The following PPP4R4 variants were observed in gnomAD, a reference collection of about 807,000 sequenced individuals.
The protein encoded by PPP4R4 is serine/threonine-protein phosphatase 4 regulatory subunit 4.
PPP4R4 carries 70 observed loss-of-function variants against 121.8 expected under a neutral mutation model. The ratio of observed to expected loss-of-function variants is 0.57; its 90% CI spans 0.47 to 0.70. The LOEUF (loss-of-function observed/expected upper bound fraction) is 0.70, where lower values mean the gene tolerates loss of function less well. Ranked by LOEUF, PPP4R4 falls within the 30% of genes least tolerant of loss-of-function variation. The probability of loss-of-function intolerance (pLI) is 0.00; values close to 1 mark genes in which losing one functional copy is unlikely to be tolerated. For missense variants in PPP4R4, 875 were observed against 1,033.6 expected, an observed-to-expected ratio of 0.85 and a Z score of 2.10; for synonymous variants, 348 against 355.7, an observed-to-expected ratio of 0.98 and a Z score of 0.24.
At chr14:94,227,604 C>G in intron 3 of PPP4R4, 2 of 1,265,698 alleles carry the variant, frequency 1.6e-6, no homozygotes, top group Non-Finnish European at 2.0e-6. Flanking sequence ...CTGCGGGAGT[C>G]AAGACTAAGT....
At chr14:94,175,657 A>G in intron 1 of PPP4R4, 1 of 185,730 alleles carries the variant, frequency 5.4e-6, no homozygotes, top group South Asian at 1.3e-4. Context: ...GTCTTCATCC[A>G]TCTCCCTTTT....
intron 23 of PPP4R4, among the ~76,000 whole-genome samples, chr14:94,271,393 A>G (rs1216863830): frequency 6.6e-6 from 1 of 152,228 alleles, no homozygotes; most frequent in African/African-American, 2.4e-5. Flanking sequence ...CATCACACTA[A>G]CAGGCCAAGG....
At position 94,278,746 on chromosome 14, in the gene PPP4R4, G is replaced by GC; in HGVS notation, c.*103_*104insC. On this transcript the variant is annotated 3_prime_UTR_variant, in exon 25 of 25. Transcript: ENST00000304338. ...CTGGGGCTTTGTTTTTAAATTTTGG[G>GC]TTTTTTTTTTTGTTGTTGTTAATGA... The GC allele has an allele frequency of 1.0e-6, 1 of 974,036 alleles. No homozygotes were observed. The highest frequency in any genetic ancestry group is 3.3e-5 in the East Asian group (1 of 30,550). 60.3% of individuals were successfully genotyped at this position (974,036 alleles called of 1,614,324 possible). A position where few individuals can be genotyped will look rare whatever the true frequency, so the allele number is the denominator to read the frequency against.
chr14:94,198,088 A>G (rs1199557630), intron 2 of PPP4R4, among the ~76,000 whole-genome samples: 1 of 152,168 alleles, frequency 6.6e-6, no homozygotes, highest in Admixed American at 6.5e-5. Flanking sequence ...TGGTAGGTGT[A>G]TGTGTATCCT....
chr14:94,187,925 A>G (rs1889375646), intron 2 of PPP4R4, among the ~76,000 whole-genome samples: 1 of 152,150 alleles, frequency 6.6e-6, no homozygotes, highest in Non-Finnish European at 1.5e-5. Flanking sequence ...ATCACCGTGG[A>G]TTTATCATCA....
At chr14:94,252,715 AAG>A (rs1239530152) in intron 16 of PPP4R4, among the ~76,000 whole-genome samples, 1 of 152,210 alleles carries the variant, frequency 6.6e-6, no homozygotes, top group African/African-American at 2.4e-5. Flanking sequence ...ATCTGCAGGA[AAG>A]AGAGACATCA....
chr14:94,181,956 G>T (rs1889016021), intron 2 of PPP4R4, among the ~76,000 whole-genome samples: 1 of 152,242 alleles, frequency 6.6e-6, no homozygotes, highest in South Asian at 2.1e-4. Flanking sequence ...GTGGAATTCT[G>T]TGGGCTTTCC....
chr14:94,242,505 G>T, intron 11 of PPP4R4, 97 bp downstream of exon 11: 4 of 1,162,438 alleles, frequency 3.4e-6, no homozygotes, highest in East Asian at 2.6e-5. Context: ...ATATAGACTG[G>T]ATATCTCTTT....
intron 16 of PPP4R4, among the ~76,000 whole-genome samples, chr14:94,254,503 A>G (rs1893361547): frequency 6.6e-6 from 1 of 152,176 alleles, no homozygotes; most frequent in African/African-American, 2.4e-5. Context: ...TGCTATTTAC[A>G]ATGCTGGAAA....
At chr14:94,246,959 C>G (rs965806699) in intron 14 of PPP4R4, among the ~76,000 whole-genome samples, 2 of 152,170 alleles carry the variant, frequency 1.3e-5, no homozygotes, top group African/African-American at 4.8e-5. Flanking sequence ...TGCTGTTTTG[C>G]CAAGGCACCC....
At chr14:94,225,400 C>A (rs1442114308) in intron 3 of PPP4R4, among the ~76,000 whole-genome samples, 3 of 152,140 alleles carry the variant, frequency 2.0e-5, no homozygotes, top group Non-Finnish European at 4.4e-5. Context: ...GACTGAGAGC[C>A]TAAGTGACTT....
chr14:94,207,256 C>T (rs946265715), intron 2 of PPP4R4, among the ~76,000 whole-genome samples: 9 of 151,926 alleles, frequency 5.9e-5, no homozygotes, highest in African/African-American at 2.2e-4. Flanking sequence ...TTTTGATCCT[C>T]TCTCCATTTG....
chr14:94,265,762 T>C, intron 21 of PPP4R4, 32 bp from the exon 22 acceptor site: 1 of 1,468,742 alleles, frequency 6.8e-7, no homozygotes, highest in Non-Finnish European at 9.5e-7. Context: ...ATGAACTGAA[T>C]ACATTTTTCT....
Position 94,258,844 on chromosome 14 carries a change from C to T in PPP4R4, c.2052+20C>T. 2 of 1,572,244 alleles carry T rather than the reference C, an allele frequency of 1.3e-6. No homozygotes were observed. Among genetic ancestry groups the T allele is most frequent in the Non-Finnish European group, 1.7e-6 (2 of 1,144,142 alleles). ...GATGCTGTAAGTATACTCTCTTTAC[C>T]TTATTGTGTTGGTCCATTTTCATGC... On this transcript the variant is annotated intron_variant, in intron 18 of 24. Coordinates refer to ENST00000304338, the MANE Select transcript of PPP4R4 (RefSeq NM_058237.2).
chr14:94,212,644 AT>A (rs34736094), intron 3 of PPP4R4, among the ~76,000 whole-genome samples: 20 of 152,094 alleles, frequency 1.3e-4, no homozygotes, highest in African/African-American at 4.3e-4. Context: ...CTATTGAATA[AT>A]TTTTTTCCTG....
intron 3 of PPP4R4, among the ~76,000 whole-genome samples, chr14:94,223,493 T>C (rs201700064): frequency 1.2e-4 from 18 of 152,178 alleles, no homozygotes; most frequent in Non-Finnish European, 2.5e-4. Flanking sequence ...CCAGGGACTC[T>C]GCAAGGCTGT....
intron 3 of PPP4R4, among the ~76,000 whole-genome samples, chr14:94,210,286 C>T (rs77640134): frequency 0.049 from 7,435 of 150,952 alleles, 284 homozygotes; most frequent in Non-Finnish European, 0.075. Flanking sequence ...ATTATACACT[C>T]ATGTATAACA....
chr14:94,241,869 G>A lies in PPP4R4; in HGVS notation c.1058G>A (p.Gly353Glu). 1 of 1,609,836 alleles carries A rather than the reference G, an allele frequency of 6.2e-7. No individual in the cohort carries two copies. The highest frequency in any genetic ancestry group is 1.3e-5 in the African/African-American group (1 of 74,876). Reference sequence around the variant, plus strand: ...ACATTGGGTTTGCAACAAGAAAATGGACACAATGAAAACCAGATTCCACCC... The same window carrying A: ...ACATTGGGTTTGCAACAAGAAAATGAACACAATGAAAACCAGATTCCACCC... ...LCTLGLQQEN[G>E]HNENQIPPQI... is the part of the protein sequence containing the mutation. Residue 353 changes from glycine (G) to glutamate (E), a missense_variant, in exon 10 of 25, where the codon GGA becomes GAA. Physicochemically the swap from Gly to Glu is moderately conservative, Grantham distance 98. Transcript: ENST00000304338.
intron 5 of PPP4R4, among the ~76,000 whole-genome samples, chr14:94,232,209 A>C (rs564659209): frequency 2.6e-5 from 4 of 152,354 alleles, no homozygotes; most frequent in African/African-American, 9.6e-5. Flanking sequence ...TCCACTAATG[A>C]AAAGATTTTG....
Sources: allele counts gnomAD v4.1 joint callset (sites outside exome capture counted in the v4.1 genomes callset), GRCh38; gene constraint gnomAD v4.1.1; transcripts MANE v1.5; gene names NCBI Gene and HGNC (gene_info 2026-07-23, HGNC 2026-07-21).